VWA2: variants seen among roughly 807,000 people sequenced by gnomAD.
VWA2 encodes von Willebrand factor A domain containing 2.
A neutral mutation model predicts 70.4 loss-of-function variants in VWA2; 73 were observed. The ratio of observed to expected loss-of-function variants is 1.04; its 90% CI spans 0.86 to 1.26. The LOEUF (loss-of-function observed/expected upper bound fraction) is 1.26, where lower values mean the gene tolerates loss of function less well. Ranked by LOEUF, VWA2 falls within the 50% of genes most tolerant of loss-of-function variation. The pLI is 0.00. For missense variants in VWA2, 1,011 were observed against 998.5 expected, an observed-to-expected ratio of 1.01 and a Z score of -0.17; for synonymous variants, 407 against 423.3, an observed-to-expected ratio of 0.96 and a Z score of 0.47.
chr10:114,248,675 ACTTT>A lies in VWA2; in HGVS notation c.-10-20_-10-17del, dbSNP rs572965562. 1.2e-4 allele frequency: 187 copies of A among 1,594,694 alleles called. No individual in the cohort carries two copies. The African/African-American group carries it at 1.4e-3, about 12-fold the overall frequency. ...GGCGTTCACAGAACTAATTGCTGAT[ACTTT>A]CTTTCTTTTCCTGTGTCCCTGTAGT... On this transcript the variant is annotated intron_variant, in intron 1 of 13. Coordinates refer to ENST00000392982, the MANE Select transcript of VWA2 (RefSeq NM_001272046.2).
intron 5 of VWA2, among the ~76,000 whole-genome samples, chr10:114,272,526 G>C (rs2037732748): frequency 6.6e-6 from 1 of 152,174 alleles, no homozygotes; most frequent in African/African-American, 2.4e-5. Flanking sequence ...GAATACAACA[G>C]AGATGTACGG....
At chr10:114,263,980 C>T (rs962440203) in intron 5 of VWA2, among the ~76,000 whole-genome samples, 19 of 152,354 alleles carry the variant, frequency 1.2e-4, no homozygotes, top group African/African-American at 4.1e-4. Context: ...ATAGCCACTA[C>T]GATGGCTCAG....
rs1416798354 is a variant in VWA2 at position 114,292,742 on chromosome 10, G to A, written c.*1505G>A. On this transcript the variant is annotated 3_prime_UTR_variant, in exon 14 of 14. Coordinates refer to ENST00000392982, the MANE Select transcript of VWA2 (RefSeq NM_001272046.2). ...TTTTTTGAGACGGAGTTTTGCTCTT[G>A]TTGCCCAGGCTAGAGTGCAGTGGTA... Among the ~76,000 whole-genome samples, 1 of 151,924 alleles carries A rather than the reference G, an allele frequency of 6.6e-6. No homozygotes were observed. The highest frequency in any genetic ancestry group is 6.6e-5 in the Admixed American group (1 of 15,228).
intron 1 of VWA2, among the ~76,000 whole-genome samples, chr10:114,245,773 G>A (rs761299762): frequency 2.6e-5 from 4 of 152,202 alleles, no homozygotes; most frequent in Non-Finnish European, 5.9e-5. Flanking sequence ...CATGTTAGGT[G>A]TCTGATTTTC....
At chr10:114,254,378 A>G (rs2037274892) in intron 3 of VWA2, among the ~76,000 whole-genome samples, 1 of 152,026 alleles carries the variant, frequency 6.6e-6, no homozygotes, top group Non-Finnish European at 1.5e-5. Flanking sequence ...AGCCTCAGTA[A>G]ATCTTTATTA....
chr10:114,255,106 A>G (rs111258286), intron 4 of VWA2, 58 bp downstream of exon 4: 2 of 1,593,510 alleles, frequency 1.3e-6, no homozygotes, highest in Non-Finnish European at 1.7e-6. Flanking sequence ...AAGGGACAGA[A>G]ACCCGGTCTC....
intron 8 of VWA2, among the ~76,000 whole-genome samples, chr10:114,279,480 T>G (rs563051702): frequency 9.2e-5 from 14 of 152,210 alleles, no homozygotes; most frequent in Non-Finnish European, 2.1e-4. Context: ...TACCCATTGG[T>G]CCTCCCCCAG....
At chr10:114,278,638 C>T (rs2037907762) in intron 7 of VWA2, 81 bp from the exon 8 acceptor site, 6 of 1,581,330 alleles carry the variant, frequency 3.8e-6, no homozygotes, top group Non-Finnish European at 5.2e-6. Context: ...GGAGCGGGAG[C>T]AGCTGCTGGG....
At chr10:114,273,972 G>T (rs2037766309) in intron 6 of VWA2, among the ~76,000 whole-genome samples, 1 of 152,226 alleles carries the variant, frequency 6.6e-6, no homozygotes, top group Non-Finnish European at 1.5e-5. Flanking sequence ...GTCAGTCAAG[G>T]CTTCTTTGAG....
intron 5 of VWA2, among the ~76,000 whole-genome samples, chr10:114,269,002 G>A (rs573250567): frequency 1.1e-4 from 17 of 149,494 alleles, no homozygotes; most frequent in South Asian, 4.3e-4. Flanking sequence ...GTGAGCCACC[G>A]CGCCCGGCCA....
chr10:114,277,367 A>G (rs1291735066), intron 6 of VWA2, among the ~76,000 whole-genome samples: 1 of 151,676 alleles, frequency 6.6e-6, no homozygotes, highest in East Asian at 1.9e-4. Flanking sequence ...TATTTTTAGT[A>G]GAGATGGGGT....
chr10:114,261,079 T>C, intron 4 of VWA2, 107 bp from the exon 5 acceptor site: 1 of 738,292 alleles, frequency 1.4e-6, no homozygotes, highest in Non-Finnish European at 2.3e-6. Flanking sequence ...TGGTGTTTGT[T>C]GAGTGGATGG....
rs1413955768 is a variant in VWA2, at chr10:114,283,295, CAGCGAGCAGTTAGACACACAGGCAGGGT to C, written c.889+815_889+842del. Among the ~76,000 whole-genome samples, 283 of 140,206 alleles carry C rather than the reference CAGCGAGCAGTTAGACACACAGGCAGGGT, an allele frequency of 2.0e-3. 19 individuals are homozygous for C. Among genetic ancestry groups the C allele is most frequent in the Middle Eastern group, 7.4e-3 (2 of 272 alleles). 92.0% of individuals were successfully genotyped at this position (140,206 alleles called of 152,430 possible). A position where few individuals can be genotyped will look rare whatever the true frequency, so the allele number is the denominator to read the frequency against. On this transcript the variant is annotated intron_variant, in intron 9 of 13. Coordinates refer to ENST00000392982, the MANE Select transcript of VWA2 (RefSeq NM_001272046.2). ...CAGTTAGACACACAGGCAGGCAGGGCAGCGAGCAGTTAGACACACAGGCAGGGTAGCGAGCAGTTAGACACACAGGCAG... is the reference window on the plus strand; with the variant it reads ...CAGTTAGACACACAGGCAGGCAGGGCAGCGAGCAGTTAGACACACAGGCAG...
Position 114,286,337 on chromosome 10 carries a change from C to T in VWA2, c.1396C>T (p.Arg466Cys), listed in dbSNP as rs761856475. 8.7e-6 allele frequency: 14 copies of T among 1,613,060 alleles called. 1 individual carries two copies. The South Asian group carries it at 9.9e-5, about 11-fold the overall frequency. ...HSEDEVAGPA[R>C]HARARELLLL... ...CGAGGATGAGGTTGCGGGCCCAGCG[C>T]GTCACGCAAGGGCGCGAGAGCTGCT... The change falls in exon 11 of 14, where the codon CGT (arginine) becomes TGT (cysteine). Residue 466 changes from arginine to cysteine, a missense_variant. By Grantham distance (180) the Arg-to-Cys change is radical. Transcript: ENST00000392982.
Position 114,286,480 on chromosome 10 carries a change from G to A in VWA2, c.1539G>A (p.Leu513=). ...PQDLFNQIPE[L]QGKLCSRQRP... ...ATCTGTTCAACCAAATCCCTGAGCT[G>A]CAGGGGAAGCTGTGCAGCCGGCAGC... is the stretch of plus-strand genomic sequence containing the variant. The change falls in exon 11 of 14, where the codon CTG becomes CTA. Residue 513 remains leucine, a synonymous_variant. Coordinates refer to ENST00000392982, the MANE Select transcript of VWA2 (RefSeq NM_001272046.2). 3 of 1,590,152 alleles carry A rather than the reference G, an allele frequency of 1.9e-6. No homozygotes were observed. The highest frequency in any genetic ancestry group is 4.5e-5 in the East Asian group (2 of 44,414).
rs768986747 is a variant in VWA2 at position 114,286,335 on chromosome 10, C to T, written c.1394C>T (p.Ala465Val). ...TCCGAGGATGAGGTTGCGGGCCCAGCGCGTCACGCAAGGGCGCGAGAGCTG... is the reference window on the plus strand; with the variant it reads ...TCCGAGGATGAGGTTGCGGGCCCAGTGCGTCACGCAAGGGCGCGAGAGCTG... ...SHSEDEVAGPARHARARELLL... is the reference protein window; with the variant it reads ...SHSEDEVAGPVRHARARELLL... Residue 465 changes from alanine to valine, a missense_variant, in exon 11 of 14, where the codon GCG becomes GTG. Transcript: ENST00000392982. 6.2e-6 allele frequency: 10 copies of T among 1,612,884 alleles called. No homozygotes were observed. The highest frequency in any genetic ancestry group is 3.3e-4 in the Middle Eastern group (2 of 6,058).
At chr10:114,256,033 C>G (rs1044390781) in intron 4 of VWA2, among the ~76,000 whole-genome samples, 1 of 152,126 alleles carries the variant, frequency 6.6e-6, no homozygotes, top group African/African-American at 2.4e-5. Flanking sequence ...ATGGTGCAGC[C>G]TCTAGGGGAG....
intron 7 of VWA2, 68 bp downstream of exon 7, chr10:114,278,115 A>G: frequency 3.8e-6 from 6 of 1,560,564 alleles, no homozygotes; most frequent in Non-Finnish European, 5.2e-6. Context: ...CTGAGGCAAG[A>G]GGTCAGGACC....
intron 2 of VWA2, among the ~76,000 whole-genome samples, chr10:114,249,038 T>A (rs2037138210): frequency 6.6e-6 from 1 of 152,136 alleles, no homozygotes; most frequent in Non-Finnish European, 1.5e-5. Flanking sequence ...AGGGTACATG[T>A]GCACGATGTG....
Sources: allele counts gnomAD v4.1 joint callset (sites outside exome capture counted in the v4.1 genomes callset), GRCh38; gene constraint gnomAD v4.1.1; transcripts MANE v1.5; gene names NCBI Gene and HGNC (gene_info 2026-07-23, HGNC 2026-07-21).